The following CHMP3 variants were observed in gnomAD, a reference collection of about 807,000 sequenced individuals.
The protein encoded by CHMP3 is 25.1 protein.
CHMP3 carries 8 observed loss-of-function variants against 27.4 expected under a neutral mutation model. The observed-to-expected ratio is 0.29, with a 90% CI of 0.17 to 0.53. The LOEUF (loss-of-function observed/expected upper bound fraction) is 0.53, where lower values mean the gene tolerates loss of function less well. Among genes scored for constraint, CHMP3 ranks in the 20% least tolerant of loss-of-function variants. CHMP3 has a pLI of 0.96. For synonymous variants in CHMP3, 86 were observed against 85.5 expected (o/e 1.01, Z -0.03); for missense variants, 208 against 271.5 (o/e 0.77, Z 1.64).
intron 3 of CHMP3, chr2:86,511,542 T>TTACTTTTATAAATTTATAAAATTTTA (rs1675108596): frequency 2.6e-5 from 4 of 151,290 alleles, no homozygotes; most frequent in Admixed American, 2.6e-4. Context: ...TTTTATAAAT[T>TTACTTTTATAAATTTATAAAATTTTA]TACTTTTATA....
At position 86,542,299 on chromosome 2, in the gene CHMP3, G is replaced by A. The variant is rs1333848460; in HGVS notation, c.59C>T (p.Ser20Leu). The change falls in exon 2 of 6, where the codon TCA becomes TTA. Residue 20 changes from serine (S) to leucine (L), a missense_variant. Around this residue, in one of 3 missense-constraint regions of CHMP3, gnomAD observed 52 missense variants for 43.5 expected, o/e 1.19. Transcript: ENST00000263856. The part of the protein sequence containing the change: ...KPPKELVNEW[S>L]LKIRKEMRVV... ...TCTCATTTCCTTTCTTATCTTCAAT[G>A]ACCACTCATTGACCTGGGAAAATTT... 6.2e-7 allele frequency: 1 copy of A among 1,613,368 alleles called. No individual in the cohort carries two copies.
chr2:86,532,077 C>G lies in CHMP3; in HGVS notation c.107-2680G>C, dbSNP rs547248480. ...GACATCTTAACAATATCTAATCTCCCAATACATGAAAATGTGATGTCTTTC... is the reference window on the plus strand; with the variant it reads ...GACATCTTAACAATATCTAATCTCCGAATACATGAAAATGTGATGTCTTTC... On this transcript the variant is annotated intron_variant, in intron 2 of 5. Transcript: ENST00000263856. Among the ~76,000 whole-genome samples, 16 of 152,204 alleles carry G rather than the reference C, an allele frequency of 1.1e-4. No homozygotes were observed. In the South Asian group the frequency reaches 3.1e-3, roughly 30 times the overall value.
At chr2:86,523,617 G>A (rs1025958910) in intron 3 of CHMP3, among the ~76,000 whole-genome samples, 5 of 151,926 alleles carry the variant, frequency 3.3e-5, no homozygotes, top group Non-Finnish European at 5.9e-5. Context: ...CTGAAAAGAC[G>A]AGGGAGGGCA....
At chr2:86,509,252 A>G (rs1320833955) in intron 4 of CHMP3, among the ~76,000 whole-genome samples, 1 of 152,218 alleles carries the variant, frequency 6.6e-6, no homozygotes, top group East Asian at 1.9e-4. Context: ...AGGCACTCCA[A>G]GAATGATCTT....
rs371554672 is a variant in CHMP3, at chr2:86,558,636, C to T, written c.45+4668G>A. Among the ~76,000 whole-genome samples the T allele has an allele frequency of 2.6e-5, 4 of 152,168 alleles. No individual in the cohort carries two copies. The East Asian group carries it at 7.7e-4, about 29-fold the overall frequency. ...ACCATGATGGTGTGATATGACTACA[C>T]CTGGCCTCTGCTTATCCTGTGCCAG... On this transcript the variant is annotated intron_variant, in intron 1 of 5. Transcript: ENST00000263856.
intron 2 of CHMP3, among the ~76,000 whole-genome samples, chr2:86,530,866 T>C (rs1675892347): frequency 6.6e-6 from 1 of 152,222 alleles, no homozygotes; most frequent in Non-Finnish European, 1.5e-5. Context: ...GTTGTTTTGA[T>C]AGTAGTCATC....
At chr2:86,531,350 G>T (rs1675910266) in intron 2 of CHMP3, among the ~76,000 whole-genome samples, 1 of 152,024 alleles carries the variant, frequency 6.6e-6, no homozygotes, top group Admixed American at 6.6e-5. Flanking sequence ...TGATTTTCAT[G>T]AAGTCCAGTT....
At chr2:86,563,251 C>T (rs1447138052) in intron 1 of CHMP3, 53 bp downstream of exon 1, 138 of 1,599,642 alleles carry the variant, frequency 8.6e-5, no homozygotes, top group Non-Finnish European at 1.1e-4. Flanking sequence ...TTACCAACTT[C>T]ACTACGCCCC....
At chr2:86,531,375 T>A (rs931631010) in intron 2 of CHMP3, among the ~76,000 whole-genome samples, 2 of 152,170 alleles carry the variant, frequency 1.3e-5, no homozygotes, top group Non-Finnish European at 2.9e-5. Context: ...TACTCTTTTT[T>A]ATTTTTTGGA....
rs1212633125 is a variant in CHMP3, at chr2:86,505,294, G to A, written c.*510C>T. Reference sequence around the variant, plus strand: ...CCATACCATGTCTGTGAAAGCCGGGGAGCAGCAACCACAGAGCAGAAGTCA... The same window carrying A: ...CCATACCATGTCTGTGAAAGCCGGGAAGCAGCAACCACAGAGCAGAAGTCA... On this transcript the variant is annotated 3_prime_UTR_variant, in exon 6 of 6. Transcript: ENST00000263856. 1 of 152,282 alleles carries A rather than the reference G, an allele frequency of 6.6e-6. No homozygotes were observed. The highest frequency in any genetic ancestry group is 1.9e-4 in the East Asian group (1 of 5,200). The allele number at this position is 152,282 out of a possible 1,614,324, so 9.4% of individuals were successfully genotyped here.
intron 1 of CHMP3, among the ~76,000 whole-genome samples, chr2:86,550,995 C>T (rs532040991): frequency 5.3e-5 from 8 of 152,184 alleles, no homozygotes; most frequent in East Asian, 1.9e-4. Flanking sequence ...CCTCAGATAC[C>T]GAGAAATGAC....
intron 1 of CHMP3, 96 bp downstream of exon 1, chr2:86,563,208 G>C (rs968236236): frequency 1.5e-5 from 21 of 1,444,676 alleles, no homozygotes; most frequent in South Asian, 9.8e-5. Flanking sequence ...GGGCGGTATC[G>C]GGCAGGCGGT....
intron 2 of CHMP3, among the ~76,000 whole-genome samples, chr2:86,539,798 C>CGGTA (rs1676291090): frequency 6.6e-6 from 1 of 151,982 alleles, no homozygotes; most frequent in Non-Finnish European, 1.5e-5. Context: ...ACATATTTAC[C>CGGTA]ATTTCCAGCA....
chr2:86,537,911 T>C (rs7604179), intron 2 of CHMP3, among the ~76,000 whole-genome samples: 32,752 of 152,180 alleles, frequency 0.22, 4,905 homozygotes, highest in African/African-American at 0.42. Context: ...ATGCTACTTT[T>C]GTTTATGTAC....
At chr2:86,546,896 T>C (rs910209429) in intron 1 of CHMP3, among the ~76,000 whole-genome samples, 1 of 152,248 alleles carries the variant, frequency 6.6e-6, no homozygotes, top group African/African-American at 2.4e-5. Flanking sequence ...TTTACTGATA[T>C]GGGATTTGCA....
intron 1 of CHMP3, among the ~76,000 whole-genome samples, chr2:86,560,547 C>T (rs1189468657): frequency 1.3e-5 from 2 of 150,616 alleles, no homozygotes; most frequent in Non-Finnish European, 3.0e-5. Context: ...CATCACACAC[C>T]GGGGCCTGTC....
Position 86,503,659 on chromosome 2 carries a change from C to T in CHMP3, c.*2145G>A, listed in dbSNP as rs1410762735. 1.3e-5 allele frequency: 2 copies of T among 151,946 alleles called. No individual in the cohort carries two copies. Among genetic ancestry groups the T allele is most frequent in the African/African-American group, 4.8e-5 (2 of 41,348 alleles). 9.4% of individuals were successfully genotyped at this position (151,946 alleles called of 1,614,324 possible). A position where few individuals can be genotyped will look rare whatever the true frequency, so the allele number is the denominator to read the frequency against. On this transcript the variant is annotated 3_prime_UTR_variant, in exon 6 of 6. Coordinates refer to ENST00000263856, the MANE Select transcript of CHMP3 (RefSeq NM_016079.4). ...TAAGCCATGAAATGACATGGAGGAA[C>T]CTTAATTGCATATTATTAAGTGAAA... is the stretch of plus-strand genomic sequence containing the variant.
intron 3 of CHMP3, chr2:86,527,358 A>G (rs1675755200): frequency 6.6e-6 from 1 of 152,248 alleles, no homozygotes; most frequent in South Asian, 2.1e-4. Context: ...CTGTGCATAC[A>G]CTGCTTTATT....
chr2:86,523,059 T>G (rs1234140843), intron 3 of CHMP3, among the ~76,000 whole-genome samples: 1 of 152,254 alleles, frequency 6.6e-6, no homozygotes, highest in Non-Finnish European at 1.5e-5. Flanking sequence ...CTACAGCACG[T>G]CTTATTTTGA....
Sources: allele counts gnomAD v4.1 joint callset (sites outside exome capture counted in the v4.1 genomes callset), GRCh38; gene constraint gnomAD v4.1.1; regional missense constraint gnomAD v4.1.1; transcripts MANE v1.5; gene names NCBI Gene and HGNC (gene_info 2026-07-23, HGNC 2026-07-21).